CDH13: variants seen among roughly 807,000 people sequenced by gnomAD.
CDH13 encodes the protein cadherin-13.
In CDH13, 24 loss-of-function variants were observed where a neutral mutation model predicts 63.8. The ratio of observed to expected loss-of-function variants is 0.38; its 90% CI spans 0.27 to 0.53. CDH13 has a LOEUF of 0.53. Among genes scored for constraint, CDH13 ranks in the 20% least tolerant of loss-of-function variants. CDH13 has a pLI of 0.85. For missense variants in CDH13, 1,049 were observed against 903.1 expected, an observed-to-expected ratio of 1.16 and a Z score of -2.07; for synonymous variants, 503 against 355.3, an observed-to-expected ratio of 1.42 and a Z score of -4.67.
chr16:82,927,030 C>G (rs1265906630), intron 2 of CDH13, among the ~76,000 whole-genome samples: 2 of 151,996 alleles, frequency 1.3e-5, no homozygotes, highest in African/African-American at 4.8e-5. Context: ...TGGGGTAACT[C>G]AATAGCTGGA....
chr16:83,357,731 A>T (rs550995956), intron 6 of CDH13, among the ~76,000 whole-genome samples: 6 of 152,356 alleles, frequency 3.9e-5, no homozygotes, highest in South Asian at 2.1e-4. Flanking sequence ...AGTAGTGCCA[A>T]TGTTTCTCCC....
chr16:82,638,529 C>T (rs1424449312), intron 1 of CDH13, among the ~76,000 whole-genome samples: 6 of 152,152 alleles, frequency 3.9e-5, no homozygotes, highest in African/African-American at 1.4e-4. Flanking sequence ...GGTTGTATTA[C>T]TTTTCACCCT....
At position 83,745,312 on chromosome 16, in the gene CDH13, A is replaced by T. The variant is rs546885994; in HGVS notation, c.1539-2796A>T. ...GTCTGGTACATCCACTTTGCAGGAC[A>T]AAAACTTGATTTGATTCTCAGGTCA... On this transcript the variant is annotated intron_variant, in intron 10 of 13. Coordinates refer to ENST00000567109, the MANE Select transcript of CDH13 (RefSeq NM_001257.5). 1.2e-4 allele frequency among the ~76,000 whole-genome samples: 18 copies of T among 152,324 alleles called. No individual in the cohort carries two copies. In the South Asian group the frequency reaches 3.7e-3, roughly 32 times the overall value.
chr16:83,445,166 T>A (rs1233755680), intron 6 of CDH13, among the ~76,000 whole-genome samples: 1 of 150,384 alleles, frequency 6.6e-6, no homozygotes, highest in Non-Finnish European at 1.5e-5. Context: ...CATTTAATCC[T>A]CATACAACAC....
intron 2 of CDH13, among the ~76,000 whole-genome samples, chr16:82,971,624 A>G (rs1254792406): frequency 1.3e-5 from 2 of 152,210 alleles, no homozygotes; most frequent in African/African-American, 4.8e-5. Context: ...TTAAATGACA[A>G]GATGGCTGGG....
At chr16:82,663,100 G>T (rs770310924) in intron 1 of CDH13, among the ~76,000 whole-genome samples, 3 of 152,310 alleles carry the variant, frequency 2.0e-5, no homozygotes, top group African/African-American at 7.2e-5. Context: ...AGCCCTTATC[G>T]CCAGAGACTG....
rs149535900 is a variant in CDH13 at position 83,201,227 on chromosome 16, A to G, written c.484-16118A>G. 2.1e-3 allele frequency among the ~76,000 whole-genome samples: 318 copies of G among 152,256 alleles called. 3 individuals are homozygous for G. The highest frequency in any genetic ancestry group is 7.2e-3 in the African/African-American group (301 of 41,548). On this transcript the variant is annotated intron_variant, in intron 4 of 13. Transcript: ENST00000567109. ...ATTAAAAAATATTTGAGTTTCTACT[A>G]TGGACCATGCACTGTTCACAGCAGA...
At chr16:83,511,956 T>G (rs370731663) in intron 7 of CDH13, among the ~76,000 whole-genome samples, 2 of 152,076 alleles carry the variant, frequency 1.3e-5, no homozygotes, top group Admixed American at 6.6e-5. Flanking sequence ...TTTTGCTTGG[T>G]GAATAGTTCC....
intron 3 of CDH13, among the ~76,000 whole-genome samples, chr16:83,100,854 G>A (rs1376640935): frequency 6.6e-6 from 1 of 152,140 alleles, no homozygotes; most frequent in Non-Finnish European, 1.5e-5. Context: ...TTCCTGCAGG[G>A]ACTTTTGTAC....
intron 1 of CDH13, among the ~76,000 whole-genome samples, chr16:82,833,336 A>G (rs1442460273): frequency 6.6e-6 from 1 of 152,208 alleles, no homozygotes; most frequent in Non-Finnish European, 1.5e-5. Flanking sequence ...TCGTGGAGGT[A>G]TCCAACTTCA....
chr16:83,509,352 C>G (rs1329990123), intron 7 of CDH13, among the ~76,000 whole-genome samples: 1 of 152,192 alleles, frequency 6.6e-6, no homozygotes, highest in African/African-American at 2.4e-5. Flanking sequence ...TTTTTGAGCA[C>G]TGATCTGCAG....
At chr16:83,569,366 T>C (rs1032949801) in intron 7 of CDH13, among the ~76,000 whole-genome samples, 11 of 152,202 alleles carry the variant, frequency 7.2e-5, no homozygotes, top group African/African-American at 2.7e-4. Context: ...TGTAAGCCAG[T>C]CTGCTCAGGG....
At chr16:83,296,348 T>C (rs2089596461) in intron 5 of CDH13, among the ~76,000 whole-genome samples, 1 of 152,192 alleles carries the variant, frequency 6.6e-6, no homozygotes, top group African/African-American at 2.4e-5. Flanking sequence ...CAGAGTCGGA[T>C]GATGCATTCT....
intron 3 of CDH13, among the ~76,000 whole-genome samples, chr16:83,088,864 C>A (rs1443196627): frequency 6.6e-6 from 1 of 152,106 alleles, no homozygotes; most frequent in Non-Finnish European, 1.5e-5. Flanking sequence ...GATTTTTCAG[C>A]AACAACCACA....
intron 4 of CDH13, among the ~76,000 whole-genome samples, chr16:83,179,480 C>CAAAAAAA (rs1491323031): frequency 2.2e-5 from 1 of 45,046 alleles, no homozygotes; most frequent in African/African-American, 2.9e-4. Flanking sequence ...CCCGTCTCTA[C>CAAAAAAA]TAAAAAAAAA....
At chr16:83,361,390 T>C (rs543705706) in intron 6 of CDH13, among the ~76,000 whole-genome samples, 1 of 152,330 alleles carries the variant, frequency 6.6e-6, no homozygotes, top group South Asian at 2.1e-4. Context: ...GTTGTCCATT[T>C]ACTCTGTTGA....
chr16:83,580,399 A>T lies in CDH13; in HGVS notation c.961-22055A>T, dbSNP rs536810544. Among the ~76,000 whole-genome samples the T allele has an allele frequency of 4.0e-5, 6 of 151,242 alleles. No individual in the cohort carries two copies. In the South Asian group the frequency reaches 6.3e-4, roughly 16 times the overall value. On this transcript the variant is annotated intron_variant, in intron 7 of 13. Transcript: ENST00000567109. ...TTGGTCCAGGAAGGTCCAAAATCTA[A>T]GACTCTAAGATCAAGGTAACTCAGC...
At chr16:83,619,021 C>G (rs1427844309) in intron 8 of CDH13, among the ~76,000 whole-genome samples, 1 of 152,200 alleles carries the variant, frequency 6.6e-6, no homozygotes, top group Non-Finnish European at 1.5e-5. Flanking sequence ...CGGCTCAGAT[C>G]TGAAAGACAG....
chr16:82,794,072 C>T (rs1383999471), intron 1 of CDH13, among the ~76,000 whole-genome samples: 2 of 151,956 alleles, frequency 1.3e-5, no homozygotes, highest in Non-Finnish European at 2.9e-5. Flanking sequence ...ATCCGAGGCC[C>T]GTGGGTCACA....
Sources: gnomAD v4.1 joint callset for allele counts (sites outside exome capture counted in the v4.1 genomes callset) on GRCh38, gnomAD v4.1.1 for gene constraint, MANE v1.5 for transcripts, NCBI Gene and HGNC (gene_info 2026-07-23, HGNC 2026-07-21) for gene names.